SMIM29: variants seen among roughly 807,000 people sequenced by gnomAD.
The protein encoded by SMIM29 is uncharacterized protein C6orf1.
In SMIM29, 4 loss-of-function variants were observed where a neutral mutation model predicts 12.9. The observed-to-expected ratio is 0.31, with a 90% CI of 0.15 to 0.71. SMIM29 has a LOEUF of 0.71. Among genes scored for constraint, SMIM29 ranks in the 30% least tolerant of loss-of-function variants. The pLI is 0.70. For synonymous variants in SMIM29, 50 were observed against 52.0 expected (o/e 0.96, Z 0.17); for missense variants, 122 against 138.1 (o/e 0.88, Z 0.58).
Position 34,247,051 on chromosome 6 carries a change from T to A in SMIM29, c.236A>T (p.Asp79Val). 1.2e-6 allele frequency: 2 copies of A among 1,613,996 alleles called. No individual in the cohort carries two copies. The highest frequency in any genetic ancestry group is 2.2e-5 in the South Asian group (2 of 91,076). The change falls in exon 4 of 5, where the codon GAC becomes GTC. Residue 79 changes from aspartate to valine, a missense_variant. Coordinates refer to ENST00000476320, the MANE Select transcript of SMIM29 (RefSeq NM_001008703.4). Reference protein sequence around the residue: ...AEQELLSDMGDPKVVHGWQSG... With the variant: ...AEQELLSDMGVPKVVHGWQSG... Reference sequence around the variant, plus strand: ...TGGCCCCCAAGTGCTCACCTTGGGGTCTCCCATGTCAGAGAGCAGCTCCTG... The same window carrying A: ...TGGCCCCCAAGTGCTCACCTTGGGGACTCCCATGTCAGAGAGCAGCTCCTG...
intron 1 of SMIM29, 79 bp from the exon 2 acceptor site, chr6:34,247,943 C>G (rs1762870707): frequency 8.1e-7 from 1 of 1,234,442 alleles, no homozygotes; most frequent in African/African-American, 1.6e-5. Context: ...AGCTGAAGAT[C>G]TATGAAAACT....
Position 34,247,456 on chromosome 6 carries a change from G to A in SMIM29, c.137+11C>T. 1 of 1,577,478 alleles carries A rather than the reference G, an allele frequency of 6.3e-7. No homozygotes were observed. The highest frequency in any genetic ancestry group is 8.6e-7 in the Non-Finnish European group (1 of 1,160,664). ...GTGGGGTTAGGGCGGGTGGGGGACA[G>A]GGACACTCACCGCTTTTTCTTCTGT... is the stretch of plus-strand genomic sequence containing the variant. On this transcript the variant is annotated intron_variant, in intron 3 of 4. Coordinates refer to ENST00000476320, the MANE Select transcript of SMIM29 (RefSeq NM_001008703.4).
Position 34,248,262 on chromosome 6 carries a change from G to A in SMIM29, c.-73-398C>T, listed in dbSNP as rs943100602. On this transcript the variant is annotated intron_variant, in intron 1 of 4. Coordinates refer to ENST00000476320, the MANE Select transcript of SMIM29 (RefSeq NM_001008703.4). ...CAAAATGGATAAATGAGGTCTAAAG[G>A]AAGGACCTGCACTGCAGCCAGGGGT... is the stretch of plus-strand genomic sequence containing the variant. The A allele has an allele frequency of 3.0e-6, 3 of 985,332 alleles. No individual in the cohort carries two copies. In the African/African-American group the frequency reaches 5.2e-5, roughly 17 times the overall value. 61.0% of individuals were successfully genotyped at this position (985,332 alleles called of 1,614,324 possible).
chr6:34,247,208 G>C, intron 3 of SMIM29, 59 bp from the exon 4 acceptor site: 2 of 1,479,750 alleles, frequency 1.4e-6, no homozygotes, highest in Non-Finnish European at 1.8e-6. Context: ...TCAAACACCT[G>C]GCTGCCTCGT....
At chr6:34,246,903 T>A (rs769234473) in intron 4 of SMIM29, 35 bp from the exon 5 acceptor site, 10 of 1,597,996 alleles carry the variant, frequency 6.3e-6, no homozygotes, top group Non-Finnish European at 7.7e-6. Flanking sequence ...AAGGCTGGGC[T>A]GTGTTCCCTG....
chr6:34,246,417 C>CA lies in SMIM29; in HGVS notation c.*385dup. On this transcript the variant is annotated 3_prime_UTR_variant, in exon 5 of 5. Coordinates refer to ENST00000476320, the MANE Select transcript of SMIM29 (RefSeq NM_001008703.4). The stretch of plus-strand genomic sequence containing the variant: ...CCCTAGCCACAAAACATTTTATTTA[C>CA]AAAATATATACTGAATACTATACAT... The CA allele has an allele frequency of 7.6e-7, 1 of 1,308,950 alleles. No individual in the cohort carries two copies. 81.1% of individuals were successfully genotyped at this position (1,308,950 alleles called of 1,614,324 possible). A position where few individuals can be genotyped will look rare whatever the true frequency, so the allele number is the denominator to read the frequency against.
intron 2 of SMIM29, 31 bp downstream of exon 2, chr6:34,247,650 G>C (rs1762857262): frequency 2.1e-6 from 3 of 1,436,044 alleles, no homozygotes; most frequent in Non-Finnish European, 2.7e-6. Context: ...GCAAAGCTGT[G>C]GGTGTCTGTG....
rs1276869856 is a variant in SMIM29, at chr6:34,246,815, A to T, written c.297T>A (p.Asp99Glu). ...GYQHKRMPLL[D>E]VKT ...CAAGGGGGTCAGGTCACGTCTTGAC[A>T]TCCAGCAGTGGCATCCGCTTGTGCT... The change falls in exon 5 of 5, where the codon GAT becomes GAA. Residue 99 changes from aspartate (D) to glutamate (E), a missense_variant. Asp to Glu is a conservative substitution (Grantham distance 45). Coordinates refer to ENST00000476320, the MANE Select transcript of SMIM29 (RefSeq NM_001008703.4). The T allele has an allele frequency of 6.2e-7, 1 of 1,612,786 alleles. No homozygotes were observed. The highest frequency in any genetic ancestry group is 8.5e-7 in the Non-Finnish European group (1 of 1,179,848).
Position 34,247,026 on chromosome 6 carries a change from TG to T in SMIM29, c.243+17del. On this transcript the variant is annotated intron_variant, in intron 4 of 4. Coordinates refer to ENST00000476320, the MANE Select transcript of SMIM29 (RefSeq NM_001008703.4). ...CTCCCACCTTGCCTCATTCTCCCCC[TG>T]GCCCCCAAGTGCTCACCTTGGGGTC... The T allele has an allele frequency of 6.2e-7, 1 of 1,614,026 alleles. No homozygotes were observed. Among genetic ancestry groups the T allele is most frequent in the Admixed American group, 1.7e-5 (1 of 60,018 alleles).
chr6:34,247,117 A>G lies in SMIM29; in HGVS notation c.170T>C (p.Met57Thr), dbSNP rs143467246. 9.3e-4 allele frequency: 1,504 copies of G among 1,614,066 alleles called. 1 individual carries two copies. The highest frequency in any genetic ancestry group is 1.2e-3 in the Non-Finnish European group (1,399 of 1,179,996). ...TTCCTCAGCTGGGTCATAGCTGTAC[A>G]TGGGGAGCAGGTGATGGCGCAGCCG... ...VDRLRHHLLPMYSYDPAEELH... is the reference protein window; with the variant it reads ...VDRLRHHLLPTYSYDPAEELH... The change falls in exon 4 of 5, where the codon ATG becomes ACG. Residue 57 changes from methionine to threonine, a missense_variant. Transcript: ENST00000476320.
At chr6:34,247,429 G>A (rs558956626) in intron 3 of SMIM29, 38 bp downstream of exon 3, 7 of 1,527,110 alleles carry the variant, frequency 4.6e-6, no homozygotes, top group Non-Finnish European at 6.2e-6. Context: ...TTCAGAACGG[G>A]TGTGGGGTTA....
Position 34,247,092 on chromosome 6 carries a change from T to C in SMIM29, c.195A>G (p.Glu65=). The C allele has an allele frequency of 6.2e-7, 1 of 1,614,096 alleles. No homozygotes were observed. Among genetic ancestry groups the C allele is most frequent in the Non-Finnish European group, 8.5e-7 (1 of 1,180,008 alleles). ...GCAGCTCCTGCTCAGCCTCATGCAG[T>C]TCCTCAGCTGGGTCATAGCTGTACA... ...LPMYSYDPAE[E]LHEAEQELLS... The change falls in exon 4 of 5, where the codon GAA becomes GAG. Residue 65 remains glutamate, a synonymous_variant. Coordinates refer to ENST00000476320, the MANE Select transcript of SMIM29 (RefSeq NM_001008703.4).
chr6:34,247,645 G>A, intron 2 of SMIM29, 36 bp downstream of exon 2: 1 of 1,437,698 alleles, frequency 7.0e-7, no homozygotes, highest in South Asian at 1.5e-5. Context: ...CCTTAGCAAA[G>A]CTGTGGGTGT....
intron 2 of SMIM29, 69 bp from the exon 3 acceptor site, chr6:34,247,561 C>T (rs951512711): frequency 1.3e-6 from 2 of 1,534,896 alleles, no homozygotes; most frequent in African/African-American, 2.8e-5. Flanking sequence ...GAGAGGCCCA[C>T]CTCCACACCC....
In SMIM29 at chr6:34,246,750, G is replaced by A. The variant is rs375487913; in HGVS notation, c.*53C>T. On this transcript the variant is annotated 3_prime_UTR_variant, in exon 5 of 5. Transcript: ENST00000476320. ...GACAGCAGGGGAAGCAGATGGCAGG[G>A]CCCCAGGCAGTCCAGGACCCCAGGC... 1.2e-6 allele frequency: 2 copies of A among 1,613,548 alleles called. No individual in the cohort carries two copies. The highest frequency in any genetic ancestry group is 1.1e-5 in the South Asian group (1 of 91,076).
chr6:34,248,849 T>C, intron 1 of SMIM29, 130 bp downstream of exon 1: 3 of 985,624 alleles, frequency 3.0e-6, no homozygotes, highest in Non-Finnish European at 2.4e-6. Context: ...GCTGGGAGGC[T>C]CAGGCCGGAG....
intron 4 of SMIM29, 85 bp downstream of exon 4, chr6:34,246,959 T>C: frequency 6.2e-7 from 1 of 1,607,434 alleles, no homozygotes. Context: ...AGAACCAGGC[T>C]CTGGTTTCAG....
rs1762866732 is a variant in SMIM29, at chr6:34,247,858, G to A, written c.-67C>T. On this transcript the variant is annotated 5_prime_UTR_variant, in exon 2 of 5. Coordinates refer to ENST00000476320, the MANE Select transcript of SMIM29 (RefSeq NM_001008703.4). ...GGCGCTTCGGGAGGGCGCCTCCACT[G>A]GGCTCCCTGGGAAGGAGGAAGGGAG... is the stretch of plus-strand genomic sequence containing the variant. 4.0e-6 allele frequency: 5 copies of A among 1,261,266 alleles called. No individual in the cohort carries two copies. The Admixed American group carries it at 1.6e-4, about 40-fold the overall frequency. The allele number at this position is 1,261,266 out of a possible 1,614,324, so 78.1% of individuals were successfully genotyped here. A position where few individuals can be genotyped will look rare whatever the true frequency, so the allele number is the denominator to read the frequency against.
chr6:34,248,190 C>T (rs1314825394), intron 1 of SMIM29: 1 of 985,296 alleles, frequency 1.0e-6, no homozygotes, highest in Non-Finnish European at 1.2e-6. Context: ...CAGGTGCCTG[C>T]CCCAGCCCTT....
Sources: allele counts gnomAD v4.1 joint callset, GRCh38; gene constraint gnomAD v4.1.1; transcripts MANE v1.5; gene names NCBI Gene and HGNC (gene_info 2026-07-23, HGNC 2026-07-21).